The following ACVR1C variants were observed in gnomAD, a reference collection of about 807,000 sequenced individuals.
The protein encoded by ACVR1C is activin receptor type-1C.
ACVR1C carries 23 observed loss-of-function variants against 57.9 expected under a neutral mutation model. That is an observed-to-expected ratio of 0.40 (90% CI 0.29 to 0.56). ACVR1C has a LOEUF of 0.56. Ranked by LOEUF, ACVR1C falls within the 20% of genes least tolerant of loss-of-function variation. ACVR1C has a pLI of 0.50. For missense variants in ACVR1C, 480 were observed against 607.9 expected (o/e 0.79, Z 2.21); for synonymous variants, 214 against 215.3 (o/e 0.99, Z 0.05).
At chr2:157,580,108 C>A (rs749040948) in intron 2 of ACVR1C, among the ~76,000 whole-genome samples, 3 of 151,936 alleles carry the variant, frequency 2.0e-5, no homozygotes, top group African/African-American at 7.2e-5. Flanking sequence ...CACGCACACA[C>A]GTGCGCGTGC....
At chr2:157,539,978 G>T (rs1364481074) in intron 7 of ACVR1C, among the ~76,000 whole-genome samples, 1 of 152,178 alleles carries the variant, frequency 6.6e-6, no homozygotes, top group Non-Finnish European at 1.5e-5. Context: ...TGAGATTAAT[G>T]TAATGCAAAA....
chr2:157,594,898 T>TA (rs1682053699), intron 1 of ACVR1C, among the ~76,000 whole-genome samples: 3 of 152,226 alleles, frequency 2.0e-5, no homozygotes, highest in Non-Finnish European at 4.4e-5. Context: ...ACTTACTGCC[T>TA]CAAAATTTTG....
intron 2 of ACVR1C, among the ~76,000 whole-genome samples, chr2:157,566,586 A>G (rs1336367202): frequency 2.6e-5 from 4 of 152,026 alleles, no homozygotes; most frequent in Non-Finnish European, 4.4e-5. Context: ...TTCTGAGTCA[A>G]AGAAAGGGGT....
At chr2:157,604,456 C>G (rs1373488924) in intron 1 of ACVR1C, among the ~76,000 whole-genome samples, 1 of 151,916 alleles carries the variant, frequency 6.6e-6, no homozygotes, top group Admixed American at 6.6e-5. Flanking sequence ...GCATATACAA[C>G]CATTTGTTTA....
At chr2:157,613,385 G>C (rs1474910804) in intron 1 of ACVR1C, among the ~76,000 whole-genome samples, 4 of 151,972 alleles carry the variant, frequency 2.6e-5, no homozygotes, top group Non-Finnish European at 1.5e-5. Context: ...TATATAAATA[G>C]TTTTAATACT....
At chr2:157,628,395 C>T (rs1682951400) in intron 1 of ACVR1C, among the ~76,000 whole-genome samples, 177 bp downstream of exon 1, 1 of 152,178 alleles carries the variant, frequency 6.6e-6, no homozygotes, top group Admixed American at 6.5e-5. Flanking sequence ...GGCTGCCAGA[C>T]GTCAGGTGCC....
intron 2 of ACVR1C, among the ~76,000 whole-genome samples, chr2:157,566,218 C>T (rs906452724): frequency 2.8e-4 from 42 of 152,300 alleles, no homozygotes; most frequent in African/African-American, 9.9e-4. Flanking sequence ...TCTTTGGAAG[C>T]AGCACCCATA....
chr2:157,554,659 G>A (rs1688047193), intron 3 of ACVR1C, among the ~76,000 whole-genome samples: 1 of 152,122 alleles, frequency 6.6e-6, no homozygotes, highest in Non-Finnish European at 1.5e-5. Context: ...CTTTTCTGAT[G>A]AATCCAAAGC....
At chr2:157,557,974 C>T (rs989289972) in intron 2 of ACVR1C, among the ~76,000 whole-genome samples, 1 of 152,170 alleles carries the variant, frequency 6.6e-6, no homozygotes, top group Non-Finnish European at 1.5e-5. Context: ...AAGATAGCCT[C>T]TGCATCAATC....
chr2:157,556,393 T>C, intron 2 of ACVR1C, 61 bp from the exon 3 acceptor site: 7 of 1,591,228 alleles, frequency 4.4e-6, no homozygotes, highest in Non-Finnish European at 6.0e-6. Context: ...ATTTTTGGAA[T>C]TGGAATTGCA....
intron 6 of ACVR1C, among the ~76,000 whole-genome samples, chr2:157,541,779 C>T (rs544961099): frequency 1.3e-5 from 2 of 152,354 alleles, no homozygotes; most frequent in South Asian, 2.1e-4. Flanking sequence ...GAGGCATTCA[C>T]AGGCACTGTC....
chr2:157,598,933 G>A (rs2105137373), intron 1 of ACVR1C, among the ~76,000 whole-genome samples: 1 of 152,084 alleles, frequency 6.6e-6, no homozygotes, highest in South Asian at 2.1e-4. Context: ...CCAACCTATT[G>A]TGTTAACAAT....
intron 1 of ACVR1C, among the ~76,000 whole-genome samples, chr2:157,606,903 G>A (rs1682411275): frequency 1.3e-5 from 2 of 151,788 alleles, no homozygotes; most frequent in East Asian, 1.9e-4. Context: ...ATGTCATGAA[G>A]TGTTTCCCCT....
At chr2:157,539,465 A>G (rs1687568404) in intron 7 of ACVR1C, among the ~76,000 whole-genome samples, 1 of 152,236 alleles carries the variant, frequency 6.6e-6, no homozygotes, top group Non-Finnish European at 1.5e-5. Flanking sequence ...AAGACATGCC[A>G]TAATACTAGA....
At position 157,550,205 on chromosome 2, in the gene ACVR1C, C is replaced by T. The variant is rs1219282513; in HGVS notation, c.732G>A (p.Leu244=). ...TGAAACCAAGGATGTTTTCATGTCGCAGCATGACCGTCTGGTAAATTTCTG... is the reference window on the plus strand; with the variant it reads ...TGAAACCAAGGATGTTTTCATGTCGTAGCATGACCGTCTGGTAAATTTCTG... ...REAEIYQTVM[L]RHENILGFIA... The change falls in exon 4 of 9, where the codon CTG becomes CTA. Residue 244 remains leucine, a synonymous_variant. Transcript: ENST00000243349. 1.2e-6 allele frequency: 2 copies of T among 1,613,914 alleles called. No individual in the cohort carries two copies. The highest frequency in any genetic ancestry group is 1.7e-6 in the Non-Finnish European group (2 of 1,180,020).
chr2:157,552,855 A>G (rs1573913777), intron 3 of ACVR1C, among the ~76,000 whole-genome samples: 1 of 152,212 alleles, frequency 6.6e-6, no homozygotes, highest in East Asian at 1.9e-4. Flanking sequence ...TTGAAGATAC[A>G]TGGATTTTTG....
intron 1 of ACVR1C, among the ~76,000 whole-genome samples, chr2:157,614,395 T>C (rs1445341468): frequency 6.6e-6 from 1 of 152,176 alleles, no homozygotes; most frequent in Non-Finnish European, 1.5e-5. Context: ...TAAAAATGTA[T>C]TAGGTTTGTT....
At chr2:157,590,016 T>C (rs537903985) in intron 1 of ACVR1C, among the ~76,000 whole-genome samples, 30 of 151,878 alleles carry the variant, frequency 2.0e-4, no homozygotes, top group African/African-American at 3.9e-4. Flanking sequence ...TCTCACATTA[T>C]ACAAAAATCA....
At chr2:157,593,155 G>C (rs1209191634) in intron 1 of ACVR1C, among the ~76,000 whole-genome samples, 1 of 152,004 alleles carries the variant, frequency 6.6e-6, no homozygotes, top group Non-Finnish European at 1.5e-5. Context: ...TAACCAACCA[G>C]AAAATAAATA....
Sources: gnomAD v4.1 joint callset for allele counts (sites outside exome capture counted in the v4.1 genomes callset) on GRCh38, gnomAD v4.1.1 for gene constraint, MANE v1.5 for transcripts, NCBI Gene and HGNC (gene_info 2026-07-23, HGNC 2026-07-21) for gene names.